Variants in GTSE1 observed in about 807,000 individuals in gnomAD.
GTSE1 encodes G2 and S-phase expressed 1, also known as G2 and S phase-expressed protein 1.
In GTSE1, 52 loss-of-function variants were observed where a neutral mutation model predicts 60.5. The observed-to-expected ratio is 0.86, with a 90% CI of 0.69 to 1.08. GTSE1 has a LOEUF of 1.08. Ranked by LOEUF, GTSE1 falls within the 50% of genes least tolerant of loss-of-function variation. The pLI, the probability that GTSE1 is intolerant of heterozygous loss-of-function variation, is 0.00. For synonymous variants in GTSE1, 368 were observed against 386.5 expected, an observed-to-expected ratio of 0.95 and a Z score of 0.56; for missense variants, 937 against 961.8, an observed-to-expected ratio of 0.97 and a Z score of 0.34.
Position 46,324,561 on chromosome 22 carries a change from G to T in GTSE1, c.1505+1299G>T, listed in dbSNP as rs531726029. Reference sequence around the variant, plus strand: ...TTTTTGTATTTTTAGTAGAGACGGGGTTTCACCGTGTTAGCCAGGATGGTC... The same window carrying T: ...TTTTTGTATTTTTAGTAGAGACGGGTTTTCACCGTGTTAGCCAGGATGGTC... On this transcript the variant is annotated intron_variant, in intron 8 of 11. Transcript: ENST00000454366. This position sits in a 1 kb window ranked among gnomAD's most constrained non-coding sequence, Gnocchi z 5.2. Among the ~76,000 whole-genome samples the T allele has an allele frequency of 2.6e-5, 4 of 152,064 alleles. No individual in the cohort carries two copies. The highest frequency in any genetic ancestry group is 4.4e-5 in the Non-Finnish European group (3 of 68,012).
intron 7 of GTSE1, 135 bp from the exon 8 acceptor site, chr22:46,323,055 C>G: frequency 1.4e-6 from 1 of 716,898 alleles, no homozygotes; most frequent in Non-Finnish European, 2.6e-6. Flanking sequence ...GTGTACTTGT[C>G]TGAGCCAGTG....
In GTSE1 at chr22:46,317,129, T is replaced by TG. The variant is rs1569043387; in HGVS notation, c.1432+717_1432+718insG. ...GGTGCCCACCACCACACCCGGCTAA[T>TG]TTTTTTTTTGTATTTTTGGTAGAGA... On this transcript the variant is annotated intron_variant, in intron 7 of 11. Coordinates refer to ENST00000454366, the MANE Select transcript of GTSE1 (RefSeq NM_016426.7). This position sits in a 1 kb window ranked among gnomAD's most constrained non-coding sequence, Gnocchi z 5.6. Among the ~76,000 whole-genome samples the TG allele has an allele frequency of 3.4e-5, 5 of 146,394 alleles. No homozygotes were observed.
rs1277804082 is a variant in GTSE1, at chr22:46,317,939, A to T, written c.1432+1527A>T. Among the ~76,000 whole-genome samples, 1 of 151,716 alleles carries T rather than the reference A, an allele frequency of 6.6e-6. No individual in the cohort carries two copies. The highest frequency in any genetic ancestry group is 2.4e-5 in the African/African-American group (1 of 41,274). On this transcript the variant is annotated intron_variant, in intron 7 of 11. Coordinates refer to ENST00000454366, the MANE Select transcript of GTSE1 (RefSeq NM_016426.7). This position sits in a 1 kb window ranked among gnomAD's most constrained non-coding sequence, Gnocchi z 5.6. ...AGTTGCTCTTCTCTTGACCTTGAGG[A>T]CTCCTGCCCTGCACCTGTGCACTGC...
rs1266548611 is a variant in GTSE1 at position 46,319,934 on chromosome 22, G to A, written c.1433-3256G>A. 1.3e-5 allele frequency among the ~76,000 whole-genome samples: 2 copies of A among 151,358 alleles called. No homozygotes were observed. Among genetic ancestry groups the A allele is most frequent in the East Asian group, 1.9e-4 (1 of 5,162 alleles). On this transcript the variant is annotated intron_variant, in intron 7 of 11. Coordinates refer to ENST00000454366, the MANE Select transcript of GTSE1 (RefSeq NM_016426.7). This position sits in a 1 kb window ranked among gnomAD's most constrained non-coding sequence, Gnocchi z 5.0. ...CAGGAGGCAGAGGTTGTAGTGAGCCGAGATGGTGTCACTGCACTCCAGCCT... is the reference window on the plus strand; with the variant it reads ...CAGGAGGCAGAGGTTGTAGTGAGCCAAGATGGTGTCACTGCACTCCAGCCT...
chr22:46,325,519 A>G (rs2077838519), intron 8 of GTSE1, among the ~76,000 whole-genome samples: 1 of 150,842 alleles, frequency 6.6e-6, no homozygotes, highest in Admixed American at 6.6e-5. Flanking sequence ...TTTTTGAGAC[A>G]GGGTCTTGCT....
intron 2 of GTSE1, among the ~76,000 whole-genome samples, chr22:46,307,791 G>A (rs921852167): frequency 6.7e-6 from 1 of 150,148 alleles, no homozygotes; most frequent in African/African-American, 2.5e-5. Flanking sequence ...ATAAGCCACC[G>A]CCCCCAGCCG....
intron 2 of GTSE1, among the ~76,000 whole-genome samples, chr22:46,298,966 G>A (rs923458961): frequency 6.6e-6 from 1 of 152,130 alleles, no homozygotes; most frequent in African/African-American, 2.4e-5. Flanking sequence ...TTTCTCACTT[G>A]TTATGCCATT....
chr22:46,297,185 C>G lies in GTSE1; in HGVS notation c.-21-195C>G, dbSNP rs1006421317. On this transcript the variant is annotated intron_variant, in intron 1 of 11. Transcript: ENST00000454366. The surrounding 1 kb of genome is among the most constrained non-coding windows in gnomAD (Gnocchi z 4.9). ...GTTATCTCGTCTGATGGCGTTCGGG[C>G]TGACTCCCGGCCTGGCGGCACTCGG... Among the ~76,000 whole-genome samples the G allele has an allele frequency of 1.3e-5, 2 of 152,102 alleles. No homozygotes were observed. Among genetic ancestry groups the G allele is most frequent in the Non-Finnish European group, 1.5e-5 (1 of 67,956 alleles).
Position 46,329,638 on chromosome 22 carries a change from C to A in GTSE1, c.2136+71C>A. On this transcript the variant is annotated intron_variant, in intron 11 of 11. Coordinates refer to ENST00000454366, the MANE Select transcript of GTSE1 (RefSeq NM_016426.7). The surrounding 1 kb of genome is among the most constrained non-coding windows in gnomAD (Gnocchi z 6.4). Reference sequence around the variant, plus strand: ...TCAGTTCTGGGATTGTTCATCCTCCCAGGGCCATCGTGGGACCCTTGAGAG... The same window carrying A: ...TCAGTTCTGGGATTGTTCATCCTCCAAGGGCCATCGTGGGACCCTTGAGAG... 2 of 1,251,288 alleles carry A rather than the reference C, an allele frequency of 1.6e-6. No homozygotes were observed. The highest frequency in any genetic ancestry group is 2.3e-5 in the East Asian group (1 of 42,734). The allele number at this position is 1,251,288 out of a possible 1,614,324, so 77.5% of individuals were successfully genotyped here.
rs780711134 is a variant in GTSE1, at chr22:46,316,079, C to G, written c.1099C>G (p.Leu367Val). The stretch of plus-strand genomic sequence containing the variant: ...TATTCCTGCAAATAGCTCCCGGCCT[C>G]TGTCAAACATCAGCAAGTCAGGCAG... ...ASIPANSSRP[L>V]SNISKSGRMG... Residue 367 changes from leucine (L) to valine (V), a missense_variant, in exon 7 of 12, where the codon CTG (leucine) becomes GTG (valine). Physicochemically the swap from Leu to Val is conservative, Grantham distance 32 (BLOSUM62 1). Transcript: ENST00000454366. The surrounding 1 kb of genome is among the most constrained non-coding windows in gnomAD (Gnocchi z 5.0). 2.0e-5 allele frequency: 31 copies of G among 1,539,186 alleles called. No individual in the cohort carries two copies. The highest frequency in any genetic ancestry group is 2.5e-5 in the Non-Finnish European group (28 of 1,141,190).
chr22:46,326,484 A>C lies in GTSE1; in HGVS notation c.1554A>C (p.Pro518=), dbSNP rs1215483464. 1 of 1,613,644 alleles carries C rather than the reference A, an allele frequency of 6.2e-7. No homozygotes were observed. Among genetic ancestry groups the C allele is most frequent in the South Asian group, 1.1e-5 (1 of 91,034 alleles). ...TTAGACGCTCATCTGGGCCAGCACC[A>C]CAAAGCCTGCTGAGCGCATGGCGTG... ...TPVRRSSGPA[P]QSLLSAWRVS... The change falls in exon 9 of 12, where the codon CCA becomes CCC. Residue 518 remains proline, a synonymous_variant. Coordinates refer to ENST00000454366, the MANE Select transcript of GTSE1 (RefSeq NM_016426.7).
At position 46,313,127 on chromosome 22, in the gene GTSE1, C is replaced by T. The variant is rs1373003696; in HGVS notation, c.928-763C>T. ...GCAGTGAGCTGTGATCATGCCACTG[C>T]ATTCCATTCCAGCCTGGGCAACAGA... On this transcript the variant is annotated intron_variant, in intron 5 of 11. Coordinates refer to ENST00000454366, the MANE Select transcript of GTSE1 (RefSeq NM_016426.7). This position sits in a 1 kb window ranked among gnomAD's most constrained non-coding sequence, Gnocchi z 4.4. Among the ~76,000 whole-genome samples, 2 of 141,564 alleles carry T rather than the reference C, an allele frequency of 1.4e-5. No homozygotes were observed. The highest frequency in any genetic ancestry group is 5.4e-5 in the African/African-American group (2 of 37,234). 92.9% of individuals were successfully genotyped at this position (141,564 alleles called of 152,430 possible).
rs549896901 is a variant in GTSE1, at chr22:46,315,894, T to C, written c.1052-138T>C. The C allele has an allele frequency of 4.2e-5, 27 of 645,540 alleles. No individual in the cohort carries two copies. In the East Asian group the frequency reaches 7.1e-4, roughly 17 times the overall value. The allele number at this position is 645,540 out of a possible 1,614,324, so 40.0% of individuals were successfully genotyped here. ...TGAGCCATCCTGTGTTTGATGATGT[T>C]GCCTGAAGGGCTTATAGAATATTGT... On this transcript the variant is annotated intron_variant, in intron 6 of 11. Transcript: ENST00000454366.
chr22:46,303,643 G>A (rs920928172), intron 2 of GTSE1, among the ~76,000 whole-genome samples: 5 of 152,226 alleles, frequency 3.3e-5, no homozygotes, highest in African/African-American at 7.2e-5. Context: ...CATTAAGTCC[G>A]ATACTGGGTT....
In GTSE1 at chr22:46,317,007, G is replaced by C. The variant is rs1404223192; in HGVS notation, c.1432+595G>C. Among the ~76,000 whole-genome samples, 1 of 151,550 alleles carries C rather than the reference G, an allele frequency of 6.6e-6. No homozygotes were observed. Among genetic ancestry groups the C allele is most frequent in the East Asian group, 1.9e-4 (1 of 5,170 alleles). On this transcript the variant is annotated intron_variant, in intron 7 of 11. Coordinates refer to ENST00000454366, the MANE Select transcript of GTSE1 (RefSeq NM_016426.7). The surrounding 1 kb of genome is among the most constrained non-coding windows in gnomAD (Gnocchi z 5.6). ...GACGGAGTCTCGCTCTGTCACCCAG[G>C]GTGGAATGCAGTGGCGCGATCTCAG...
At position 46,313,782 on chromosome 22, in the gene GTSE1, C is replaced by T. The variant is rs1410229106; in HGVS notation, c.928-108C>T. On this transcript the variant is annotated intron_variant, in intron 5 of 11. Coordinates refer to ENST00000454366, the MANE Select transcript of GTSE1 (RefSeq NM_016426.7). This position sits in a 1 kb window ranked among gnomAD's most constrained non-coding sequence, Gnocchi z 4.4. The stretch of plus-strand genomic sequence containing the variant: ...TCAGCCTCCCAAAGTGCTGGGATTA[C>T]AGGCGTGAGCCACCGTGCCCAGCCA... 12 of 1,218,792 alleles carry T rather than the reference C, an allele frequency of 9.8e-6. No homozygotes were observed. Among genetic ancestry groups the T allele is most frequent in the Non-Finnish European group, 1.1e-5 (9 of 848,260 alleles). 75.5% of individuals were successfully genotyped at this position (1,218,792 alleles called of 1,614,324 possible).
At chr22:46,300,185 T>C (rs999755991) in intron 2 of GTSE1, among the ~76,000 whole-genome samples, 12 of 149,682 alleles carry the variant, frequency 8.0e-5, no homozygotes, top group African/African-American at 3.0e-4. Flanking sequence ...GCAACCTCCG[T>C]CTCCTGGGTT....
rs2077793518 is a variant in GTSE1, at chr22:46,318,491, G to A, written c.1432+2079G>A. Among the ~76,000 whole-genome samples, 1 of 152,200 alleles carries A rather than the reference G, an allele frequency of 6.6e-6. No individual in the cohort carries two copies. Among genetic ancestry groups the A allele is most frequent in the Admixed American group, 6.5e-5 (1 of 15,282 alleles). On this transcript the variant is annotated intron_variant, in intron 7 of 11. Transcript: ENST00000454366. This position sits in a 1 kb window ranked among gnomAD's most constrained non-coding sequence, Gnocchi z 4.8. ...ATACGAAATGTTATCAGATGAGCAG[G>A]CCTGCAGATCCTAGCACAACAAAGG...
Position 46,329,449 on chromosome 22 carries a change from G to A in GTSE1, c.2018G>A (p.Cys673Tyr). The A allele has an allele frequency of 6.2e-7, 1 of 1,614,140 alleles. No homozygotes were observed. The highest frequency in any genetic ancestry group is 8.5e-7 in the Non-Finnish European group (1 of 1,180,018). The part of the protein sequence containing the change: ...PLIDLPLIDF[C>Y]DTPEAHVAVG... ...ATTGACCTTCCTCTCATCGACTTCT[G>A]CGATACCCCAGAAGCACACGTGGCT... The change falls in exon 11 of 12, where the codon TGC (cysteine) becomes TAC (tyrosine). Residue 673 changes from cysteine (C) to tyrosine (Y), a missense_variant. By Grantham distance (194) the Cys-to-Tyr change is radical (BLOSUM62 -2). Coordinates refer to ENST00000454366, the MANE Select transcript of GTSE1 (RefSeq NM_016426.7). This position sits in a 1 kb window ranked among gnomAD's most constrained non-coding sequence, Gnocchi z 6.4.
Sources: allele counts gnomAD v4.1 joint callset (sites outside exome capture counted in the v4.1 genomes callset), GRCh38; gene constraint gnomAD v4.1.1; non-coding constraint Gnocchi (gnomAD v3.1); transcripts MANE v1.5; gene names NCBI Gene and HGNC (gene_info 2026-07-23, HGNC 2026-07-21).